MGAT4C: variants seen among roughly 807,000 people sequenced by gnomAD.
The protein encoded by MGAT4C is alpha-1,3-mannosyl-glycoprotein 4-beta-N-acetylglucosaminyltransferase C.
MGAT4C carries 19 observed loss-of-function variants against 40.1 expected under a neutral mutation model. The ratio of observed to expected loss-of-function variants is 0.47; its 90% CI spans 0.33 to 0.70. The LOEUF (loss-of-function observed/expected upper bound fraction) is 0.70, where lower values mean the gene tolerates loss of function less well. Among genes scored for constraint, MGAT4C ranks in the 30% least tolerant of loss-of-function variants. The pLI, the probability that MGAT4C is intolerant of heterozygous loss-of-function variation, is 0.02. For missense variants in MGAT4C, 491 were observed against 563.2 expected, an observed-to-expected ratio of 0.87 and a Z score of 1.30; for synonymous variants, 181 against 187.1, an observed-to-expected ratio of 0.97 and a Z score of 0.27.
At chr12:86,162,404 A>G (rs1176231501) in intron 1 of MGAT4C, among the ~76,000 whole-genome samples, 1 of 152,174 alleles carries the variant, frequency 6.6e-6, no homozygotes, top group African/African-American at 2.4e-5. Flanking sequence ...GAGAAATCCA[A>G]ATACCACATA....
At position 86,814,283 on chromosome 12, in the gene MGAT4C, T is replaced by C. The variant is rs937813423; in HGVS notation, c.-262+24383A>G. On this transcript the variant is annotated intron_variant, in intron 1 of 7. Coordinates refer to the MGAT4C transcript ENST00000548651. ...ATATATATACATATACGTATATATA[T>C]ACATATATATACATATACGTATATA... Among the ~76,000 whole-genome samples, 31 of 48,088 alleles carry C rather than the reference T, an allele frequency of 6.4e-4. 2 individuals are homozygous for C. The highest frequency in any genetic ancestry group is 1.6e-3 in the Admixed American group (5 of 3,086). 31.5% of individuals were successfully genotyped at this position (48,088 alleles called of 152,430 possible). A position where few individuals can be genotyped will look rare whatever the true frequency, so the allele number is the denominator to read the frequency against.
At chr12:86,486,070 T>A (rs1181607348) in intron 2 of MGAT4C, among the ~76,000 whole-genome samples, 1 of 152,064 alleles carries the variant, frequency 6.6e-6, no homozygotes, top group Non-Finnish European at 1.5e-5. Flanking sequence ...AAAAGGTCCT[T>A]AAACATGGAA....
chr12:86,798,750 C>T (rs1593217938), intron 1 of MGAT4C, among the ~76,000 whole-genome samples: 2 of 151,772 alleles, frequency 1.3e-5, no homozygotes, highest in African/African-American at 4.8e-5. Context: ...TTGTTTAAAA[C>T]ATGGAATAAC....
intron 3 of MGAT4C, among the ~76,000 whole-genome samples, chr12:86,356,137 T>C (rs942446498): frequency 1.3e-5 from 2 of 152,020 alleles, no homozygotes; most frequent in African/African-American, 4.8e-5. Context: ...GGTATGTAGA[T>C]GAAAGTCAAA....
intron 2 of MGAT4C, among the ~76,000 whole-genome samples, chr12:86,699,513 TTG>T (rs1407091405): frequency 6.6e-6 from 1 of 152,126 alleles, no homozygotes; most frequent in East Asian, 1.9e-4. Context: ...TAAGTTTAGA[TTG>T]TGTGTGTTTG....
At position 85,982,869 on chromosome 12, in the gene MGAT4C, CAGAA is replaced by C. The variant is rs550509598; in HGVS notation, c.295+650_295+653del. On this transcript the variant is annotated intron_variant, in intron 4 of 4. Transcript: ENST00000611864. ...GTCCTTATAAAAAGAGGAAAAGACA[CAGAA>C]AGACAAAGAGAAGAAGGCCATTGAT... 1.4e-4 allele frequency among the ~76,000 whole-genome samples: 22 copies of C among 152,174 alleles called. No individual in the cohort carries two copies. In the East Asian group the frequency reaches 3.3e-3, roughly 23 times the overall value.
At chr12:86,073,048 C>T (rs1027470752) in intron 1 of MGAT4C, among the ~76,000 whole-genome samples, 1 of 152,136 alleles carries the variant, frequency 6.6e-6, no homozygotes, top group East Asian at 1.9e-4. Flanking sequence ...TGAATTTTAG[C>T]TCCCGTAATT....
In MGAT4C at chr12:86,305,434, C is replaced by T. The variant is rs12313650; in HGVS notation, c.-57+28631G>A. 2.8e-3 allele frequency among the ~76,000 whole-genome samples: 327 copies of T among 115,188 alleles called. 30 individuals carry two copies. The highest frequency in any genetic ancestry group is 0.01 in the African/African-American group (314 of 29,986). 75.6% of individuals were successfully genotyped at this position (115,188 alleles called of 152,430 possible). A position where few individuals can be genotyped will look rare whatever the true frequency, so the allele number is the denominator to read the frequency against. ...AGCCTGGGCAACAAGAGCAAAACTC[C>T]GTCTCAAAGAAAAAAAAAAAAAAAG... On this transcript the variant is annotated intron_variant, in intron 4 of 7. Coordinates refer to the MGAT4C transcript ENST00000548651.
At chr12:86,789,706 T>C (rs1471746562) in intron 1 of MGAT4C, among the ~76,000 whole-genome samples, 2 of 152,140 alleles carry the variant, frequency 1.3e-5, no homozygotes, top group African/African-American at 4.8e-5. Flanking sequence ...ATTTGCACTA[T>C]TTATAACAAT....
chr12:86,319,763 T>C (rs1259224236), intron 4 of MGAT4C, among the ~76,000 whole-genome samples: 1 of 152,202 alleles, frequency 6.6e-6, no homozygotes, highest in East Asian at 1.9e-4. Context: ...TAGGAAATAT[T>C]ATATTAGCAT....
chr12:86,312,330 C>G (rs1356112214), intron 4 of MGAT4C, among the ~76,000 whole-genome samples: 2 of 152,140 alleles, frequency 1.3e-5, no homozygotes, highest in Non-Finnish European at 2.9e-5. Flanking sequence ...ACACTCTACC[C>G]CAAATCTGGA....
intron 4 of MGAT4C, among the ~76,000 whole-genome samples, chr12:86,322,173 T>C (rs1024335513): frequency 3.1e-5 from 4 of 129,208 alleles, no homozygotes; most frequent in African/African-American, 1.2e-4. Context: ...AATTGAACAA[T>C]AAGAACAGAT....
At chr12:86,470,703 C>A (rs1209740365) in intron 2 of MGAT4C, among the ~76,000 whole-genome samples, 1 of 152,112 alleles carries the variant, frequency 6.6e-6, no homozygotes, top group Admixed American at 6.6e-5. Flanking sequence ...TTATGGATAT[C>A]TGCAACTGTG....
intron 2 of MGAT4C, among the ~76,000 whole-genome samples, chr12:86,017,759 C>G (rs1177800801): frequency 6.6e-6 from 1 of 152,028 alleles, no homozygotes; most frequent in Non-Finnish European, 1.5e-5. Context: ...TCTTCACTGC[C>G]TTGTACATAT....
intron 2 of MGAT4C, among the ~76,000 whole-genome samples, chr12:86,593,447 C>G (rs1263078935): frequency 6.6e-6 from 1 of 151,854 alleles, no homozygotes; most frequent in Non-Finnish European, 1.5e-5. Context: ...TTTTCCAATG[C>G]CAAGGGTTGA....
intron 3 of MGAT4C, among the ~76,000 whole-genome samples, chr12:85,984,379 T>TGTGTGTG (rs766371852): frequency 2.0e-5 from 3 of 150,494 alleles, no homozygotes; most frequent in Non-Finnish European, 4.4e-5. Flanking sequence ...GTTAAGTTTG[T>TGTGTGTG]GTGTGTGTGT....
intron 2 of MGAT4C, among the ~76,000 whole-genome samples, chr12:86,679,384 T>G (rs1949937639): frequency 6.6e-6 from 1 of 152,146 alleles, no homozygotes; most frequent in African/African-American, 2.4e-5. Flanking sequence ...CATGTCTTCT[T>G]GTTCAAAATC....
intron 2 of MGAT4C, among the ~76,000 whole-genome samples, chr12:86,468,205 C>T (rs976161638): frequency 2.6e-5 from 4 of 152,100 alleles, no homozygotes; most frequent in Non-Finnish European, 5.9e-5. Flanking sequence ...CAAACACAAC[C>T]ATCCCCATGT....
At chr12:86,508,330 T>C (rs562707748) in intron 2 of MGAT4C, among the ~76,000 whole-genome samples, 11 of 152,232 alleles carry the variant, frequency 7.2e-5, no homozygotes, top group African/African-American at 2.2e-4. Context: ...GTTCTTGTGA[T>C]AGTTTACTGA....
Sources: gnomAD v4.1 joint callset for allele counts (sites outside exome capture counted in the v4.1 genomes callset) on GRCh38, gnomAD v4.1.1 for gene constraint, MANE v1.5 for transcripts, NCBI Gene and HGNC (gene_info 2026-07-23, HGNC 2026-07-21) for gene names.